Variants in SEMA5A observed in about 807,000 individuals in gnomAD.
The protein encoded by SEMA5A is semaphorin-5A.
Under a neutral mutation model 135.5 loss-of-function variants are expected in SEMA5A, and 55 were observed. That is an observed-to-expected ratio of 0.41 (90% CI 0.33 to 0.51). The LOEUF (loss-of-function observed/expected upper bound fraction) is 0.51, where lower values mean the gene tolerates loss of function less well. SEMA5A is among the 20% of genes least tolerant of loss of function. The pLI, the probability that SEMA5A is intolerant of heterozygous loss-of-function variation, is 0.37. For synonymous variants in SEMA5A, 580 were observed against 546.5 expected, an observed-to-expected ratio of 1.06 and a Z score of -0.85; for missense variants, 1,290 against 1,419.9, an observed-to-expected ratio of 0.91 and a Z score of 1.47.
chr5:9,342,564 G>A (rs778417565), intron 3 of SEMA5A, among the ~76,000 whole-genome samples: 20 of 152,230 alleles, frequency 1.3e-4, no homozygotes, highest in South Asian at 6.2e-4. Context: ...TGAAAAGCAC[G>A]GAGAGCAACT....
At chr5:9,258,185 C>T (rs1350887095) in intron 5 of SEMA5A, among the ~76,000 whole-genome samples, 3 of 152,182 alleles carry the variant, frequency 2.0e-5, no homozygotes, top group Non-Finnish European at 4.4e-5. Context: ...AAGCTAGAAG[C>T]CTTACCATCG....
intron 16 of SEMA5A, among the ~76,000 whole-genome samples, chr5:9,103,606 C>T (rs1156724725): frequency 2.6e-5 from 4 of 152,142 alleles, no homozygotes; most frequent in Non-Finnish European, 4.4e-5. Context: ...TCACGCTTTA[C>T]ATGATATTTC....
At chr5:9,306,754 T>C (rs1751889355) in intron 5 of SEMA5A, among the ~76,000 whole-genome samples, 1 of 152,170 alleles carries the variant, frequency 6.6e-6, no homozygotes, top group Non-Finnish European at 1.5e-5. Flanking sequence ...GGGTAGGGTG[T>C]CTCTTGTGTT....
At position 9,398,385 on chromosome 5, in the gene SEMA5A, C is replaced by T. The variant is rs180946955; in HGVS notation, c.-77-18362G>A. ...TCATTTATCTTGAGAGTTTCCCCCA[C>T]ATATCGTACTGAAGATAAAATACAA... On this transcript the variant is annotated intron_variant, in intron 2 of 22. Coordinates refer to ENST00000382496, the MANE Select transcript of SEMA5A (RefSeq NM_003966.3). Among the ~76,000 whole-genome samples the T allele has an allele frequency of 9.2e-5, 14 of 152,340 alleles. No individual in the cohort carries two copies. The East Asian group carries it at 2.7e-3, about 29-fold the overall frequency.
At chr5:9,449,517 T>C (rs953106782) in intron 1 of SEMA5A, among the ~76,000 whole-genome samples, 19 of 151,852 alleles carry the variant, frequency 1.3e-4, no homozygotes, top group Non-Finnish European at 4.4e-5. Flanking sequence ...CCATGACACA[T>C]GTTTACCTCT....
chr5:9,035,981 T>A lies in SEMA5A; in HGVS notation c.*6916A>T, dbSNP rs891648653. 4.7e-4 allele frequency: 36 copies of A among 76,306 alleles called. No individual in the cohort carries two copies. The highest frequency in any genetic ancestry group is 6.3e-4 in the Non-Finnish European group (23 of 36,400). 4.7% of individuals were successfully genotyped at this position (76,306 alleles called of 1,614,324 possible). A position where few individuals can be genotyped will look rare whatever the true frequency, so the allele number is the denominator to read the frequency against. ...TCACAAAAAAAAAAAAAAAAAAAAA[T>A]CTCAAGTTTATTTTGTGTTCACAAA... On this transcript the variant is annotated 3_prime_UTR_variant, in exon 23 of 23. Coordinates refer to ENST00000382496, the MANE Select transcript of SEMA5A (RefSeq NM_003966.3).
chr5:9,297,666 C>T (rs1418736651), intron 5 of SEMA5A, among the ~76,000 whole-genome samples: 1 of 152,110 alleles, frequency 6.6e-6, no homozygotes, highest in Non-Finnish European at 1.5e-5. Context: ...ATGATCCTCC[C>T]ACCTCAGTCT....
At chr5:9,509,792 T>C (rs1292233348) in intron 1 of SEMA5A, among the ~76,000 whole-genome samples, 1 of 152,174 alleles carries the variant, frequency 6.6e-6, no homozygotes, top group Non-Finnish European at 1.5e-5. Flanking sequence ...AAACCACTCA[T>C]TCATTAATTC....
At chr5:9,320,829 A>T (rs1309157553) in intron 4 of SEMA5A, among the ~76,000 whole-genome samples, 1 of 152,192 alleles carries the variant, frequency 6.6e-6, no homozygotes, top group African/African-American at 2.4e-5. Flanking sequence ...TCGCATTTCA[A>T]CATTAGCCAA....
intron 4 of SEMA5A, among the ~76,000 whole-genome samples, chr5:9,329,523 A>G (rs946102205): frequency 6.6e-6 from 1 of 152,264 alleles, no homozygotes; most frequent in African/African-American, 2.4e-5. Flanking sequence ...GCTTCCTGGC[A>G]TAAAGTAGGT....
chr5:9,480,785 G>A (rs1189380089), intron 1 of SEMA5A, among the ~76,000 whole-genome samples: 1 of 152,042 alleles, frequency 6.6e-6, no homozygotes, highest in Non-Finnish European at 1.5e-5. Context: ...CACTGTTCCT[G>A]CCCTAACTTT....
chr5:9,175,764 A>G (rs949847291), intron 11 of SEMA5A, among the ~76,000 whole-genome samples: 2 of 152,242 alleles, frequency 1.3e-5, no homozygotes, highest in South Asian at 2.1e-4. Context: ...TCTCCCTTTA[A>G]ATAGGAACAG....
chr5:9,139,473 A>G (rs1028531951), intron 12 of SEMA5A, among the ~76,000 whole-genome samples: 11 of 152,198 alleles, frequency 7.2e-5, no homozygotes, highest in African/African-American at 2.6e-4. Context: ...GAATTTCCCA[A>G]TTGTCTGTTT....
intron 2 of SEMA5A, among the ~76,000 whole-genome samples, chr5:9,383,511 C>T (rs1049698472): frequency 6.6e-6 from 1 of 152,144 alleles, no homozygotes; most frequent in African/African-American, 2.4e-5. Context: ...AGCACTCACA[C>T]CCATGCCTGG....
rs540568406 is a variant in SEMA5A, at chr5:9,206,313, CGT to C, written c.647-4075_647-4074del. On this transcript the variant is annotated intron_variant, in intron 8 of 22. Transcript: ENST00000382496. The stretch of plus-strand genomic sequence containing the variant: ...TAAAACATACTGAGTTATGTATTAC[CGT>C]GTTGTACAAAATATATCATGTTAAT... Among the ~76,000 whole-genome samples the C allele has an allele frequency of 1.6e-3, 247 of 151,920 alleles. 1 individual carries two copies. Among genetic ancestry groups the C allele is most frequent in the African/African-American group, 5.0e-3 (209 of 41,434 alleles).
At chr5:9,486,642 C>T (rs1734741283) in intron 1 of SEMA5A, among the ~76,000 whole-genome samples, 1 of 151,078 alleles carries the variant, frequency 6.6e-6, no homozygotes, top group Non-Finnish European at 1.5e-5. Flanking sequence ...AGGAAATACT[C>T]ACATAAAAAA....
intron 1 of SEMA5A, among the ~76,000 whole-genome samples, chr5:9,493,422 G>T (rs545186088): frequency 6.6e-6 from 1 of 151,760 alleles, no homozygotes; most frequent in South Asian, 2.1e-4. Flanking sequence ...TCCCACACTT[G>T]CCTAGTTTGA....
At chr5:9,339,105 A>T (rs145934824) in intron 3 of SEMA5A, among the ~76,000 whole-genome samples, 23 of 152,344 alleles carry the variant, frequency 1.5e-4, no homozygotes, top group Admixed American at 5.9e-4. Context: ...ATCAATTAAA[A>T]TACGTAGAAC....
chr5:9,349,278 G>A (rs1248743111), intron 3 of SEMA5A, among the ~76,000 whole-genome samples: 1 of 152,202 alleles, frequency 6.6e-6, no homozygotes, highest in African/African-American at 2.4e-5. Flanking sequence ...TTAGGTGGAT[G>A]TGCACCAAAA....
Sources: gnomAD v4.1 joint callset for allele counts (sites outside exome capture counted in the v4.1 genomes callset) on GRCh38, gnomAD v4.1.1 for gene constraint, MANE v1.5 for transcripts, NCBI Gene and HGNC (gene_info 2026-07-23, HGNC 2026-07-21) for gene names.